CWF19L2: variants seen among roughly 807,000 people sequenced by gnomAD.
The protein encoded by CWF19L2 is CWF19 like cell cycle control factor 2, also known as CWF19-like protein 2.
A neutral mutation model predicts 111.7 loss-of-function variants in CWF19L2; 98 were observed. The observed-to-expected ratio is 0.88, with a 90% CI of 0.75 to 1.04. The LOEUF is 1.04. CWF19L2 is among the 50% of genes least tolerant of loss of function. The pLI is 0.00. For synonymous variants in CWF19L2, 351 were observed against 342.9 expected, an observed-to-expected ratio of 1.02 and a Z score of -0.26; for missense variants, 1,101 against 1,051.4, an observed-to-expected ratio of 1.05 and a Z score of -0.65.
At chr11:107,349,700 TTA>T (rs1860130974) in intron 13 of CWF19L2, among the ~76,000 whole-genome samples, 1 of 152,166 alleles carries the variant, frequency 6.6e-6, no homozygotes, top group Non-Finnish European at 1.5e-5. Flanking sequence ...CTTATTTCTG[TTA>T]TATTTTGCTG....
At chr11:107,344,058 C>T (rs1179488828) in intron 14 of CWF19L2, among the ~76,000 whole-genome samples, 1 of 152,058 alleles carries the variant, frequency 6.6e-6, no homozygotes, top group Non-Finnish European at 1.5e-5. Context: ...ACTAAAAATA[C>T]AAAAATTAGC....
intron 10 of CWF19L2, among the ~76,000 whole-genome samples, chr11:107,401,374 G>A (rs988407894): frequency 6.6e-6 from 1 of 152,062 alleles, no homozygotes; most frequent in Non-Finnish European, 1.5e-5. Flanking sequence ...AAAGTTTCTG[G>A]ATACAAGATT....
chr11:107,403,198 A>T (rs925434355), intron 10 of CWF19L2, among the ~76,000 whole-genome samples: 1 of 151,760 alleles, frequency 6.6e-6, no homozygotes, highest in African/African-American at 2.4e-5. Context: ...ACAAATCATC[A>T]CTAAAGAACT....
intron 12 of CWF19L2, among the ~76,000 whole-genome samples, chr11:107,354,661 C>A (rs1860209333): frequency 6.6e-6 from 1 of 152,128 alleles, no homozygotes; most frequent in African/African-American, 2.4e-5. Flanking sequence ...TAATTTTGTG[C>A]ATGAAACAAA....
intron 1 of CWF19L2, among the ~76,000 whole-genome samples, chr11:107,456,787 G>A (rs1261877428): frequency 5.9e-5 from 9 of 152,142 alleles, no homozygotes; most frequent in African/African-American, 1.9e-4. Flanking sequence ...CAGAAAAATC[G>A]ATATCAGAGA....
At chr11:107,449,986 T>C (rs1225848009) in intron 3 of CWF19L2, among the ~76,000 whole-genome samples, 1 of 150,758 alleles carries the variant, frequency 6.6e-6, no homozygotes, top group Non-Finnish European at 1.5e-5. Context: ...TTAAAAGCCA[T>C]AAACAGCTAA....
chr11:107,340,447 G>T (rs1250912466), intron 14 of CWF19L2, among the ~76,000 whole-genome samples: 3 of 152,096 alleles, frequency 2.0e-5, no homozygotes, highest in Non-Finnish European at 4.4e-5. Flanking sequence ...AATTGCTTTT[G>T]CACCTTTGTC....
intron 17 of CWF19L2, among the ~76,000 whole-genome samples, chr11:107,328,950 T>G (rs1859803432): frequency 6.6e-6 from 1 of 152,212 alleles, no homozygotes; most frequent in South Asian, 2.1e-4. Context: ...GACAAGAGCA[T>G]TAAAAAGTTT....
At chr11:107,341,818 A>T (rs1860009361) in intron 14 of CWF19L2, among the ~76,000 whole-genome samples, 1 of 152,100 alleles carries the variant, frequency 6.6e-6, no homozygotes, top group Non-Finnish European at 1.5e-5. Context: ...GTGTTGTAAC[A>T]GTTTGCATTT....
intron 12 of CWF19L2, among the ~76,000 whole-genome samples, chr11:107,368,444 A>T (rs1419636691): frequency 7.2e-6 from 1 of 138,460 alleles, no homozygotes; most frequent in African/African-American, 2.9e-5. Flanking sequence ...GTATTTAAGC[A>T]TGCTAAAGAT....
chr11:107,372,813 G>C (rs919328724), intron 12 of CWF19L2, among the ~76,000 whole-genome samples: 1 of 131,558 alleles, frequency 7.6e-6, no homozygotes, highest in Non-Finnish European at 1.6e-5. Context: ...AGCTCCCAGC[G>C]TGAGCGACGC....
chr11:107,342,390 T>A (rs1860017325), intron 14 of CWF19L2, among the ~76,000 whole-genome samples: 1 of 152,142 alleles, frequency 6.6e-6, no homozygotes, highest in African/African-American at 2.4e-5. Context: ...AAATTTCTCC[T>A]GAAACTTCTT....
intron 14 of CWF19L2, among the ~76,000 whole-genome samples, chr11:107,338,092 A>G (rs1322569286): frequency 6.6e-6 from 1 of 152,094 alleles, no homozygotes; most frequent in Admixed American, 6.5e-5. Context: ...TGGTTATGCT[A>G]TGTTGCCCAG....
At chr11:107,376,545 C>T (rs1474823433) in intron 12 of CWF19L2, among the ~76,000 whole-genome samples, 1 of 61,000 alleles carries the variant, frequency 1.6e-5, no homozygotes, top group Non-Finnish European at 2.9e-5. Flanking sequence ...GCAGAAAAGG[C>T]CTTTGACAAA....
At chr11:107,398,787 G>A (rs1460230698) in intron 10 of CWF19L2, among the ~76,000 whole-genome samples, 4 of 152,192 alleles carry the variant, frequency 2.6e-5, no homozygotes, top group Admixed American at 2.6e-4. Flanking sequence ...TGAGACAGAA[G>A]CACCAGGTAA....
At position 107,441,508 on chromosome 11, in the gene CWF19L2, C is replaced by A; in HGVS notation, c.565G>T (p.Glu189Ter). 1 of 1,532,778 alleles carries A rather than the reference C, an allele frequency of 6.5e-7. No homozygotes were observed. The highest frequency in any genetic ancestry group is 8.8e-7 in the Non-Finnish European group (1 of 1,140,930). The allele number at this position is 1,532,778 out of a possible 1,614,324, so 94.9% of individuals were successfully genotyped here. A position where few individuals can be genotyped will look rare whatever the true frequency, so the allele number is the denominator to read the frequency against. The change falls in exon 5 of 18, where the codon GAA (glutamate) becomes TAA (stop). Residue 189 changes from glutamate (E) to a stop codon, truncating the protein, a stop_gained. Transcript: ENST00000282251. LOFTEE classifies it high-confidence loss of function. The part of the protein sequence containing the change: ...KIEQEKNQAL[E>*]QSKLMERELN... Reference sequence around the variant, plus strand: ...CATTTCAAATATTCTCTTACCTGTTCAAGCGCTTGGTTTTTCTCTTGCTCT... The same window carrying A: ...CATTTCAAATATTCTCTTACCTGTTAAAGCGCTTGGTTTTTCTCTTGCTCT...
At chr11:107,442,890 A>AAGGAAGGG (rs1413505290) in intron 4 of CWF19L2, 49 bp downstream of exon 4, 1 of 1,158,820 alleles carries the variant, frequency 8.6e-7, no homozygotes, top group African/African-American at 1.6e-5. Context: ...GGGAGGAAGG[A>AAGGAAGGG]AGGAAGGAAG....
chr11:107,360,641 G>C (rs1860313571), intron 12 of CWF19L2, among the ~76,000 whole-genome samples: 1 of 152,160 alleles, frequency 6.6e-6, no homozygotes, highest in Non-Finnish European at 1.5e-5. Context: ...ATCCTCACAA[G>C]CATCTGTTAG....
rs112243335 is a variant in CWF19L2, at chr11:107,421,544, G to A, written c.1434-3257C>T. On this transcript the variant is annotated intron_variant, in intron 8 of 17. Coordinates refer to ENST00000282251, the MANE Select transcript of CWF19L2 (RefSeq NM_152434.3). The stretch of plus-strand genomic sequence containing the variant: ...TAGTAGAGAGGTAACAGCACTACAC[G>A]TTGTAAGCACTTTACAAAAAGATAT... 4.0e-4 allele frequency among the ~76,000 whole-genome samples: 61 copies of A among 152,148 alleles called. 2 individuals are homozygous for A. Among genetic ancestry groups the A allele is most frequent in the African/African-American group, 1.4e-3 (58 of 41,542 alleles).
Sources: allele counts gnomAD v4.1 joint callset (sites outside exome capture counted in the v4.1 genomes callset), GRCh38; gene constraint gnomAD v4.1.1; transcripts MANE v1.5; gene names NCBI Gene and HGNC (gene_info 2026-07-23, HGNC 2026-07-21).